Variants in SND1 observed in about 807,000 individuals in gnomAD.
SND1 encodes staphylococcal nuclease and tudor domain containing 1.
SND1 carries 38 observed loss-of-function variants against 121.7 expected under a neutral mutation model. The observed-to-expected ratio is 0.31, with a 90% confidence interval of 0.24 to 0.41. SND1 has a LOEUF of 0.41. Ranked by LOEUF, SND1 falls within the 10% of genes least tolerant of loss-of-function variation. The probability of loss-of-function intolerance (pLI) is 1.00; values close to 1 mark genes in which losing one functional copy is unlikely to be tolerated. For synonymous variants in SND1, 401 were observed against 447.4 expected, an observed-to-expected ratio of 0.90 and a Z score of 1.31; for missense variants, 868 against 1,184.6, an observed-to-expected ratio of 0.73 and a Z score of 3.92.
intron 10 of SND1, among the ~76,000 whole-genome samples, chr7:127,783,201 T>G (rs1797753786): frequency 6.6e-6 from 1 of 152,218 alleles, no homozygotes; most frequent in African/African-American, 2.4e-5. Flanking sequence ...TCAACAGACG[T>G]TGAACCAGAT....
At chr7:127,692,426 G>A (rs1795937338) in intron 2 of SND1, 1 of 152,168 alleles carries the variant, frequency 6.6e-6, no homozygotes, top group Admixed American at 6.5e-5. Context: ...GACCATTCTG[G>A]CCCTTATTTG....
intron 15 of SND1, among the ~76,000 whole-genome samples, chr7:127,984,879 A>G (rs895128829): frequency 2.6e-5 from 4 of 152,170 alleles, no homozygotes; most frequent in African/African-American, 9.7e-5. Context: ...ACCTCACTGT[A>G]GATCTCCAGT....
rs116039334 is a variant in SND1, at chr7:128,056,820, T to C, written c.1780-17682T>C. Reference sequence around the variant, plus strand: ...GCATGCATATAATTTATACATAAGGTATAAGATTAATAACAATAATAATAA... The same window carrying C: ...GCATGCATATAATTTATACATAAGGCATAAGATTAATAACAATAATAATAA... On this transcript the variant is annotated intron_variant, in intron 16 of 23. Coordinates refer to ENST00000354725, the MANE Select transcript of SND1 (RefSeq NM_014390.4). Among the ~76,000 whole-genome samples, 1,169 of 152,294 alleles carry C rather than the reference T, an allele frequency of 7.7e-3. 13 individuals are homozygous for C. The highest frequency in any genetic ancestry group is 0.027 in the African/African-American group (1,113 of 41,546).
chr7:127,730,259 G>A (rs751221364), intron 10 of SND1, among the ~76,000 whole-genome samples: 2 of 152,100 alleles, frequency 1.3e-5, no homozygotes, highest in Non-Finnish European at 2.9e-5. Flanking sequence ...GAGCCACCGC[G>A]CCCAGCCTGA....
Position 128,034,005 on chromosome 7 carries a change from A to G in SND1, c.1780-40497A>G, listed in dbSNP as rs115409557. ...TTTACCCAGTGAAAGTAATTGCCAC[A>G]CTTGTCTCCATTTCACAGATGAAGG... On this transcript the variant is annotated intron_variant, in intron 16 of 23. Transcript: ENST00000354725. Among the ~76,000 whole-genome samples the G allele has an allele frequency of 5.1e-3, 771 of 152,326 alleles. 5 individuals carry two copies. The highest frequency in any genetic ancestry group is 0.018 in the African/African-American group (743 of 41,576).
In SND1 at chr7:127,951,846, C is replaced by A. The variant is rs374934476; in HGVS notation, c.1669+22517C>A. On this transcript the variant is annotated intron_variant, in intron 15 of 23. Coordinates refer to ENST00000354725, the MANE Select transcript of SND1 (RefSeq NM_014390.4). The stretch of plus-strand genomic sequence containing the variant: ...TGAAAAAAGCAAAAACAAAACAAAA[C>A]AAAACCACTTTATCTAGCTGAGGAT... Among the ~76,000 whole-genome samples the A allele has an allele frequency of 1.7e-4, 26 of 152,290 alleles. 1 individual carries two copies. In the South Asian group the frequency reaches 3.5e-3, roughly 21 times the overall value.
chr7:127,686,283 A>C (rs1433521968), intron 1 of SND1, among the ~76,000 whole-genome samples: 1 of 152,246 alleles, frequency 6.6e-6, no homozygotes, highest in African/African-American at 2.4e-5. Flanking sequence ...ATTGGAAAGA[A>C]TGCAAGGGGT....
chr7:127,887,878 A>G, intron 12 of SND1, 24 bp from the exon 13 acceptor site: 1 of 1,546,816 alleles, frequency 6.5e-7, no homozygotes, highest in Non-Finnish European at 8.9e-7. Flanking sequence ...TCTAGTGCTC[A>G]CTGACCTATC....
chr7:127,713,664 A>G (rs1796334451), intron 9 of SND1, among the ~76,000 whole-genome samples: 1 of 152,228 alleles, frequency 6.6e-6, no homozygotes, highest in Non-Finnish European at 1.5e-5. Flanking sequence ...GGGGCTCTAC[A>G]GTTGATTTCT....
At chr7:127,955,799 C>A (rs1421448056) in intron 15 of SND1, among the ~76,000 whole-genome samples, 1 of 152,208 alleles carries the variant, frequency 6.6e-6, no homozygotes, top group Non-Finnish European at 1.5e-5. Context: ...CATTCTAAGA[C>A]ACATATCTGC....
chr7:127,784,256 A>T (rs902681896), intron 10 of SND1, among the ~76,000 whole-genome samples: 2 of 152,068 alleles, frequency 1.3e-5, no homozygotes, highest in African/African-American at 4.8e-5. Flanking sequence ...TCCCTTCCTA[A>T]AAGTTTTCTT....
intron 1 of SND1, among the ~76,000 whole-genome samples, chr7:127,674,894 A>T (rs983977219): frequency 2.8e-5 from 4 of 143,546 alleles, no homozygotes; most frequent in African/African-American, 9.9e-5. Context: ...TGATGTATTT[A>T]GTGTTTAAAA....
intron 12 of SND1, among the ~76,000 whole-genome samples, chr7:127,882,866 C>G (rs1275730788): frequency 2.0e-5 from 3 of 152,146 alleles, no homozygotes; most frequent in Non-Finnish European, 4.4e-5. Context: ...AGTAATTCTA[C>G]TCCAATTACA....
Position 128,029,906 on chromosome 7 carries a change from C to T in SND1, c.1779+38850C>T. On this transcript the variant is annotated intron_variant, in intron 16 of 23. Coordinates refer to ENST00000354725, the MANE Select transcript of SND1 (RefSeq NM_014390.4). The surrounding 1 kb of genome is among the most constrained non-coding windows in gnomAD (Gnocchi z 4.2). ...CCTGTGAGTTCATGACCCAGAGCTT[C>T]TTGAGGGAGCTCAGGCCATGGAAGG... The T allele has an allele frequency of 6.2e-7, 1 of 1,613,274 alleles. No homozygotes were observed.
chr7:128,064,921 T>C (rs1793288180), intron 16 of SND1, among the ~76,000 whole-genome samples: 1 of 152,230 alleles, frequency 6.6e-6, no homozygotes, highest in Non-Finnish European at 1.5e-5. Flanking sequence ...ATTATTTAAA[T>C]GGCAATTAAC....
intron 13 of SND1, among the ~76,000 whole-genome samples, chr7:127,890,548 G>A (rs935285159): frequency 3.3e-5 from 5 of 152,026 alleles, no homozygotes; most frequent in African/African-American, 4.8e-5. Context: ...CAATACAGTG[G>A]AATGTATAGT....
intron 11 of SND1, among the ~76,000 whole-genome samples, chr7:127,835,667 G>A (rs1300147113): frequency 1.3e-5 from 2 of 150,324 alleles, no homozygotes. Flanking sequence ...TGGAGCATTA[G>A]CACAAACACA....
intron 1 of SND1, among the ~76,000 whole-genome samples, chr7:127,661,017 C>T (rs976463318): frequency 2.6e-5 from 4 of 152,024 alleles, no homozygotes; most frequent in Admixed American, 2.6e-4. Flanking sequence ...ATCCACTGAT[C>T]TTGTTTAACT....
intron 10 of SND1, among the ~76,000 whole-genome samples, chr7:127,801,114 C>T (rs892897558): frequency 1.3e-5 from 2 of 152,190 alleles, no homozygotes; most frequent in African/African-American, 4.8e-5. Context: ...ATATACCTAC[C>T]TGTAAGTAGC....
Sources: gnomAD v4.1 joint callset for allele counts (sites outside exome capture counted in the v4.1 genomes callset) on GRCh38, gnomAD v4.1.1 for gene constraint, Gnocchi (gnomAD v3.1) non-coding constraint, MANE v1.5 for transcripts, NCBI Gene and HGNC (gene_info 2026-07-23, HGNC 2026-07-21) for gene names.